The following C12orf42 variants were observed in gnomAD, a reference collection of about 807,000 sequenced individuals.
C12orf42 encodes the protein uncharacterized protein C12orf42.
Under a neutral mutation model 21.6 loss-of-function variants are expected in C12orf42, and 25 were observed. The observed-to-expected ratio is 1.16, with a 90% CI of 0.84 to 1.62. The LOEUF (loss-of-function observed/expected upper bound fraction) is 1.62, where lower values mean the gene tolerates loss of function less well. Ranked by LOEUF, C12orf42 falls within the 40% of genes most tolerant of loss-of-function variation. C12orf42 has a pLI of 0.00. For missense variants in C12orf42, 483 were observed against 459.3 expected (o/e 1.05, Z -0.47); for synonymous variants, 174 against 175.0 (o/e 0.99, Z 0.05).
chr12:103,315,424 A>T (rs181470585), intron 4 of C12orf42, among the ~76,000 whole-genome samples: 1 of 152,354 alleles, frequency 6.6e-6, no homozygotes, highest in African/African-American at 2.4e-5. Flanking sequence ...ACTGTAACAG[A>T]ATTAACAAAT....
downstream of C12orf42, among the ~76,000 whole-genome samples, chr12:103,233,005 C>T (rs924238400): frequency 5.3e-5 from 8 of 152,154 alleles, no homozygotes; most frequent in Non-Finnish European, 1.0e-4. Flanking sequence ...ATATGTGTCA[C>T]CTCAAACATC....
the C12orf42 span, among the ~76,000 whole-genome samples, chr12:103,543,020 C>T: frequency 6.6e-6 from 1 of 152,182 alleles, no homozygotes; most frequent in Non-Finnish European, 1.5e-5. Flanking sequence ...TGGAAGAAGA[C>T]ACTCAAGAGG....
chr12:103,543,896 GTT>G, the C12orf42 span, among the ~76,000 whole-genome samples: 5,275 of 113,894 alleles, frequency 0.046, 315 homozygotes, highest in African/African-American at 0.17. Context: ...TTTTTGTTTT[GTT>G]TTTTGTTTTT....
chr12:103,218,241 A>G, the C12orf42 span, among the ~76,000 whole-genome samples: 1 of 150,488 alleles, frequency 6.6e-6, no homozygotes, highest in African/African-American at 2.5e-5. Flanking sequence ...GATCTCACCA[A>G]TGAACTCCAG....
chr12:103,357,356 T>G (rs1370669029), intron 4 of C12orf42, among the ~76,000 whole-genome samples: 1 of 151,950 alleles, frequency 6.6e-6, no homozygotes, highest in African/African-American at 2.4e-5. Flanking sequence ...CTTTATAATG[T>G]TCCATTTTCT....
the C12orf42 span, among the ~76,000 whole-genome samples, chr12:103,510,974 T>C: frequency 6.6e-6 from 1 of 152,222 alleles, no homozygotes; most frequent in Non-Finnish European, 1.5e-5. Flanking sequence ...TGTGTGGCCA[T>C]ATTGGCAAGT....
chr12:103,397,796 G>A (rs2047662161), intron 3 of C12orf42: 1 of 152,072 alleles, frequency 6.6e-6, no homozygotes, highest in South Asian at 2.1e-4. Flanking sequence ...AAGAAAGGTT[G>A]CCTAATGGGT....
chr12:103,094,575 G>A, the C12orf42 span, among the ~76,000 whole-genome samples: 1 of 152,086 alleles, frequency 6.6e-6, no homozygotes, highest in Admixed American at 6.5e-5. Flanking sequence ...ACTTTCCACA[G>A]CTCTTCATCA....
chr12:103,318,478 T>A (rs1022061590), intron 4 of C12orf42, among the ~76,000 whole-genome samples: 19 of 152,214 alleles, frequency 1.2e-4, no homozygotes, highest in African/African-American at 3.9e-4. Context: ...AATACAGTTT[T>A]CTGTTGTTCC....
chr12:103,518,448 C>T, the C12orf42 span, among the ~76,000 whole-genome samples: 9 of 152,256 alleles, frequency 5.9e-5, no homozygotes, highest in African/African-American at 1.4e-4. Context: ...CCATTGCCCC[C>T]GCCATGCCCA....
the C12orf42 span, among the ~76,000 whole-genome samples, chr12:103,172,434 T>C: frequency 2.4e-4 from 36 of 152,160 alleles, no homozygotes; most frequent in Non-Finnish European, 5.0e-4. Context: ...TTTATAGAGC[T>C]GTCAGTTTCC....
At chr12:103,279,541 G>T (rs2035977221) in intron 4 of C12orf42, among the ~76,000 whole-genome samples, 1 of 152,096 alleles carries the variant, frequency 6.6e-6, no homozygotes. Context: ...TAACAAAATT[G>T]GTTCCCCCAG....
At chr12:103,528,053 T>C in the C12orf42 span, among the ~76,000 whole-genome samples, 537 of 152,296 alleles carry the variant, frequency 3.5e-3, 1 homozygote, top group Non-Finnish European at 6.2e-3. Flanking sequence ...CCAAAAAATA[T>C]AGACTTTAGT....
chr12:103,302,056 A>T lies in C12orf42; in HGVS notation c.*52T>A. 6.5e-7 allele frequency: 1 copy of T among 1,546,726 alleles called. No homozygotes were observed. Among genetic ancestry groups the T allele is most frequent in the Non-Finnish European group, 8.8e-7 (1 of 1,136,670 alleles). On this transcript the variant is annotated 3_prime_UTR_variant, in exon 6 of 6. Transcript: ENST00000548883. ...TGAGGCCCTTTCTGTTGTTCTGAGC[A>T]GGCATTGATTTGAAGATGGGCAGCA...
intron 4 of C12orf42, among the ~76,000 whole-genome samples, chr12:103,328,095 T>C (rs1376456018): frequency 1.3e-5 from 2 of 152,206 alleles, no homozygotes; most frequent in African/African-American, 2.4e-5. Flanking sequence ...TCCTTCTTCA[T>C]GGTGATAAAT....
At chr12:103,296,036 G>C (rs553931696) in intron 4 of C12orf42, among the ~76,000 whole-genome samples, 6 of 116,568 alleles carry the variant, frequency 5.1e-5, no homozygotes, top group East Asian at 2.6e-4. Context: ...ACAACAGGCC[G>C]CAGTGTGTGA....
At chr12:103,095,143 CT>C in the C12orf42 span, among the ~76,000 whole-genome samples, 4 of 152,174 alleles carry the variant, frequency 2.6e-5, no homozygotes, top group Non-Finnish European at 5.9e-5. Context: ...TAATAGCCCC[CT>C]GATTGGTCCC....
the C12orf42 span, among the ~76,000 whole-genome samples, chr12:103,120,537 C>A: frequency 7.9e-5 from 12 of 152,092 alleles, no homozygotes; most frequent in African/African-American, 2.7e-4. Context: ...GATACCGGTG[C>A]CTTAATATGT....
At chr12:103,071,166 A>G in the C12orf42 span, among the ~76,000 whole-genome samples, 3 of 152,152 alleles carry the variant, frequency 2.0e-5, no homozygotes, top group African/African-American at 7.2e-5. Context: ...GTTTCTACCC[A>G]TGTCATGGGG....
Sources: gnomAD v4.1 joint callset for allele counts (sites outside exome capture counted in the v4.1 genomes callset) on GRCh38, gnomAD v4.1.1 for gene constraint, MANE v1.5 for transcripts, NCBI Gene and HGNC (gene_info 2026-07-23, HGNC 2026-07-21) for gene names.